RNF216: variants seen among roughly 807,000 people sequenced by gnomAD.
The protein encoded by RNF216 is E3 ubiquitin-protein ligase RNF216.
In RNF216, 72 loss-of-function variants were observed where a neutral mutation model predicts 110.8. The ratio of observed to expected loss-of-function variants is 0.65; its 90% CI spans 0.54 to 0.79. The LOEUF (loss-of-function observed/expected upper bound fraction) is 0.79, where lower values mean the gene tolerates loss of function less well. Ranked by LOEUF, RNF216 falls within the 30% of genes least tolerant of loss-of-function variation. RNF216 has a pLI of 0.00. For synonymous variants in RNF216, 495 were observed against 407.5 expected (o/e 1.21, Z -2.59); for missense variants, 1,342 against 1,141.2 (o/e 1.18, Z -2.54).
chr7:5,741,784 A>G lies in RNF216; in HGVS notation c.233T>C (p.Leu78Pro), dbSNP rs772359168. ...TNKPQRSRPNLIKPAAQWQDL... is the reference protein window; with the variant it reads ...TNKPQRSRPNPIKPAAQWQDL... ...TTGCCACTGGGCAGCTGGTTTGATG[A>G]GATTGGGTCGTGATCTCTGAGGTTT... The change falls in exon 4 of 17, where the codon CTC (leucine) becomes CCC (proline). Residue 78 changes from leucine (L) to proline (P), a missense_variant. Transcript: ENST00000389902. 3 of 1,613,468 alleles carry G rather than the reference A, an allele frequency of 1.9e-6. No individual in the cohort carries two copies. The East Asian group carries it at 6.7e-5, about 36-fold the overall frequency.
intron 13 of RNF216, among the ~76,000 whole-genome samples, chr7:5,664,829 C>T (rs1481938636): frequency 1.3e-5 from 2 of 152,118 alleles, no homozygotes; most frequent in Non-Finnish European, 2.9e-5. Context: ...AAGTTTTGCT[C>T]TTGTTGCCCA....
At chr7:5,740,907 A>G (rs74932671) in intron 4 of RNF216, 66 bp downstream of exon 4, 2 of 431,070 alleles carry the variant, frequency 4.6e-6, no homozygotes, top group Non-Finnish European at 6.5e-6. Flanking sequence ...TTTTGCAATG[A>G]AAAAAAAAAA....
intron 5 of RNF216, among the ~76,000 whole-genome samples, chr7:5,735,539 G>A (rs1438597571): frequency 2.7e-5 from 4 of 150,570 alleles, no homozygotes; most frequent in Admixed American, 6.6e-5. Context: ...CCAGTAACAC[G>A]GTAGATGAGT....
At chr7:5,761,642 T>C (rs1795939677) in intron 1 of RNF216, among the ~76,000 whole-genome samples, 1 of 152,018 alleles carries the variant, frequency 6.6e-6, no homozygotes, top group Non-Finnish European at 1.5e-5. Flanking sequence ...AAAAATTAGC[T>C]GGGCGTGGTG....
intron 14 of RNF216, among the ~76,000 whole-genome samples, chr7:5,645,385 A>G (rs1787990473): frequency 6.6e-6 from 1 of 152,098 alleles, no homozygotes; most frequent in Non-Finnish European, 1.5e-5. Context: ...GGTACATCAG[A>G]TGATGTTCTA....
chr7:5,687,311 A>G (rs532712388), intron 13 of RNF216, among the ~76,000 whole-genome samples: 12 of 147,664 alleles, frequency 8.1e-5, no homozygotes, highest in African/African-American at 2.6e-4. Context: ...AGGGAGAATC[A>G]CTTGAACCTG....
rs75881621 is a variant in RNF216, at chr7:5,635,588, G to T, written c.2382+5566C>A. On this transcript the variant is annotated intron_variant, in intron 15 of 16. Coordinates refer to ENST00000389902, the MANE Select transcript of RNF216 (RefSeq NM_207111.4). ...CCTTTCCCCTGCCGCTTAAGCCAGG[G>T]TCCCAAAGGTCCCCAGGACTTTCTG... Among the ~76,000 whole-genome samples the T allele has an allele frequency of 1.9e-3, 288 of 152,078 alleles. 5 individuals carry two copies. Among genetic ancestry groups the T allele is most frequent in the Middle Eastern group, 0.01 (3 of 294 alleles).
chr7:5,717,963 C>T (rs899639602), intron 9 of RNF216, among the ~76,000 whole-genome samples: 12 of 152,040 alleles, frequency 7.9e-5, no homozygotes, highest in South Asian at 2.1e-4. Flanking sequence ...CACCTGTAAT[C>T]CCAGCTACTT....
intron 5 of RNF216, among the ~76,000 whole-genome samples, chr7:5,733,450 A>G (rs1228701069): frequency 6.6e-6 from 1 of 152,224 alleles, no homozygotes; most frequent in Non-Finnish European, 1.5e-5. Context: ...TCTTGAAGAT[A>G]TATTTAAACA....
rs564487553 is a variant in RNF216 at position 5,641,462 on chromosome 7, T to A, written c.2160-86A>T. ...CATTAAGCATTTATTTATTTTCACA[T>A]AAAATGATCACTTATGGCTTTTTTG... On this transcript the variant is annotated intron_variant, in intron 14 of 16. Coordinates refer to ENST00000389902, the MANE Select transcript of RNF216 (RefSeq NM_207111.4). 5.5e-5 allele frequency: 61 copies of A among 1,099,832 alleles called. No individual in the cohort carries two copies. The Admixed American group carries it at 9.3e-4, about 17-fold the overall frequency. The allele number at this position is 1,099,832 out of a possible 1,614,324, so 68.1% of individuals were successfully genotyped here.
intron 6 of RNF216, among the ~76,000 whole-genome samples, chr7:5,730,338 G>A (rs1046273816): frequency 2.6e-5 from 4 of 152,126 alleles, no homozygotes; most frequent in East Asian, 1.9e-4. Context: ...AATGATCAAC[G>A]TAAAATATTT....
Position 5,660,957 on chromosome 7 carries a change from T to G in RNF216, c.2062-8447A>C, listed in dbSNP as rs80161004. On this transcript the variant is annotated intron_variant, in intron 13 of 16. Transcript: ENST00000389902. ...TGAAGCCTTAGGTTTTTTTTTTTTT[T>G]TTTTTTTTTTTGAAACAGCATCTCG... is the stretch of plus-strand genomic sequence containing the variant. 7.4e-3 allele frequency among the ~76,000 whole-genome samples: 1,083 copies of G among 146,664 alleles called. 64 individuals carry two copies. In the East Asian group the frequency reaches 0.16, roughly 21 times the overall value.
chr7:5,726,243 T>C (rs1368340009), intron 7 of RNF216, among the ~76,000 whole-genome samples: 1 of 152,176 alleles, frequency 6.6e-6, no homozygotes, highest in East Asian at 1.9e-4. Flanking sequence ...GCCACTGCAC[T>C]CCATCCTGGG....
intron 1 of RNF216, among the ~76,000 whole-genome samples, chr7:5,765,614 C>A (rs535096919): frequency 6.6e-6 from 1 of 150,630 alleles, no homozygotes; most frequent in African/African-American, 2.4e-5. Flanking sequence ...AGGGTGAGAG[C>A]GAGACCCTGC....
chr7:5,677,522 T>C (rs1490318450), intron 13 of RNF216, among the ~76,000 whole-genome samples: 1 of 152,242 alleles, frequency 6.6e-6, no homozygotes, highest in African/African-American at 2.4e-5. Flanking sequence ...TGGCTTCTGG[T>C]AAATTATAAT....
intron 3 of RNF216, among the ~76,000 whole-genome samples, chr7:5,752,178 C>T (rs994734279): frequency 3.3e-5 from 5 of 150,488 alleles, no homozygotes; most frequent in East Asian, 1.9e-4. Context: ...AGCAAAACTC[C>T]GTCTCAAAAA....
At chr7:5,639,852 T>C (rs852472) in intron 15 of RNF216, among the ~76,000 whole-genome samples, 26,846 of 151,592 alleles carry the variant, frequency 0.18, 4,110 homozygotes, top group African/African-American at 0.42. Context: ...CTCTGCCTCC[T>C]GGGTTCACGC....
In RNF216 at chr7:5,741,746, A is replaced by T. The variant is rs758151365; in HGVS notation, c.271T>A (p.Leu91Met). 6.2e-7 allele frequency: 1 copy of T among 1,614,072 alleles called. No homozygotes were observed. Among genetic ancestry groups the T allele is most frequent in the Non-Finnish European group, 8.5e-7 (1 of 1,180,020 alleles). ...PAAQWQDLKRLGEERPKKSRA... is the reference protein window; with the variant it reads ...PAAQWQDLKRMGEERPKKSRA... ...GACTTTTTAGGCCTTTCTTCTCCCAACCTTTTCAGATCTTGCCACTGGGCA... is the reference window on the plus strand; with the variant it reads ...GACTTTTTAGGCCTTTCTTCTCCCATCCTTTTCAGATCTTGCCACTGGGCA... Residue 91 changes from leucine (L) to methionine (M), a missense_variant, in exon 4 of 17, where the codon TTG becomes ATG. Leu to Met is a conservative substitution (Grantham distance 15, BLOSUM62 2). Coordinates refer to ENST00000389902, the MANE Select transcript of RNF216 (RefSeq NM_207111.4).
chr7:5,691,058 G>A (rs547108266), intron 13 of RNF216, among the ~76,000 whole-genome samples: 10 of 152,266 alleles, frequency 6.6e-5, no homozygotes, highest in Non-Finnish European at 1.2e-4. Flanking sequence ...TCACACAGCC[G>A]TGCAAAGAAC....
Sources: allele counts gnomAD v4.1 joint callset (sites outside exome capture counted in the v4.1 genomes callset), GRCh38; gene constraint gnomAD v4.1.1; transcripts MANE v1.5; gene names NCBI Gene and HGNC (gene_info 2026-07-23, HGNC 2026-07-21).